Variants in CHD9 observed in about 807,000 individuals in gnomAD.
CHD9 encodes ATP-dependent chromatin remodeler CHD9.
CHD9 carries 77 observed loss-of-function variants against 316.1 expected under a neutral mutation model. The observed-to-expected ratio is 0.24, with a 90% CI of 0.20 to 0.29. The LOEUF (loss-of-function observed/expected upper bound fraction) is 0.29. Ranked by LOEUF, CHD9 falls within the 10% of genes least tolerant of loss-of-function variation. The pLI is 1.00. For missense variants in CHD9, 2,763 were observed against 3,438.1 expected, an observed-to-expected ratio of 0.80 and a Z score of 4.91; for synonymous variants, 1,129 against 1,158.3, an observed-to-expected ratio of 0.97 and a Z score of 0.51.
chr16:53,155,033 ACTAG>A (rs2041409679), intron 1 of CHD9, among the ~76,000 whole-genome samples: 1 of 152,134 alleles, frequency 6.6e-6, no homozygotes, highest in African/African-American at 2.4e-5. Context: ...TACTTATATT[ACTAG>A]CTTATTTTAA....
intron 11 of CHD9, among the ~76,000 whole-genome samples, chr16:53,236,385 C>T (rs931449109): frequency 6.6e-6 from 1 of 152,056 alleles, no homozygotes; most frequent in Non-Finnish European, 1.5e-5. Context: ...TATCTTCATC[C>T]ACAGTTATTC....
At chr16:53,208,717 C>T (rs1175156024) in intron 2 of CHD9, 1 of 985,990 alleles carries the variant, frequency 1.0e-6, no homozygotes. Context: ...CGGGTAAGAA[C>T]ATAACAAAAC....
chr16:53,240,648 A>C (rs1189155582), intron 12 of CHD9, among the ~76,000 whole-genome samples: 1 of 151,842 alleles, frequency 6.6e-6, no homozygotes, highest in Non-Finnish European at 1.5e-5. Flanking sequence ...TTTTTACATT[A>C]TCGAATAGCT....
chr16:53,314,391 C>T lies in CHD9; in HGVS notation c.7237C>T (p.Pro2413Ser), dbSNP rs1165395795. ...AATTCAATTAGGTACTTCCATTCAA[C>T]CAACCCTTGGTGCCAATGGTGTGAT... ...SIPVSGTSIQ[P>S]TLGANGVILD... The change falls in exon 35 of 39, where the codon CCA becomes TCA. Residue 2413 changes from proline (P) to serine (S), a missense_variant. Coordinates refer to ENST00000447540, the MANE Select transcript of CHD9 (RefSeq NM_001308319.2). 6.4e-7 allele frequency: 1 copy of T among 1,573,110 alleles called. No individual in the cohort carries two copies.
At chr16:53,262,507 C>T (rs1049220567) in intron 19 of CHD9, among the ~76,000 whole-genome samples, 2 of 151,962 alleles carry the variant, frequency 1.3e-5, no homozygotes, top group African/African-American at 2.4e-5. Flanking sequence ...TTTAAAATGA[C>T]AATGATTTAT....
At chr16:53,099,995 C>G (rs12232435) in intron 1 of CHD9, among the ~76,000 whole-genome samples, 16,182 of 152,172 alleles carry the variant, frequency 0.11, 1,245 homozygotes, top group East Asian at 0.43. Flanking sequence ...CACTGGCGGC[C>G]GCGTGCTTCC....
chr16:53,157,448 G>T lies in CHD9; in HGVS notation c.1359G>T (p.Gln453His). ...HLVTRPSDMA[Q>H]TQLQSQARSW... ...TAACACGGCCTTCTGATATGGCTCA[G>T]ACTCAGTTGCAAAGTCAGGCTCGGA... Residue 453 changes from glutamine (Q) to histidine (H), a missense_variant, in exon 2 of 39, where the codon CAG (glutamine) becomes CAT (histidine). Around this residue, in one of 15 missense-constraint regions of CHD9, gnomAD observed 859 missense variants for 890.4 expected, o/e 0.96. Transcript: ENST00000447540. The T allele has an allele frequency of 6.2e-7, 1 of 1,613,984 alleles. No homozygotes were observed.
At chr16:53,148,063 C>T (rs1216529245) in intron 1 of CHD9, among the ~76,000 whole-genome samples, 5 of 151,796 alleles carry the variant, frequency 3.3e-5, no homozygotes, top group South Asian at 4.2e-4. Flanking sequence ...AAAAATTACC[C>T]GGGCATGGTG....
In CHD9 at chr16:53,327,237, T is replaced by A. The variant is rs1176239397; in HGVS notation, c.*2342T>A. The A allele has an allele frequency of 6.6e-6, 1 of 152,506 alleles. No homozygotes were observed. Among genetic ancestry groups the A allele is most frequent in the Non-Finnish European group, 1.5e-5 (1 of 67,954 alleles). The allele number at this position is 152,506 out of a possible 1,614,324, so 9.4% of individuals were successfully genotyped here. A position where few individuals can be genotyped will look rare whatever the true frequency, so the allele number is the denominator to read the frequency against. On this transcript the variant is annotated 3_prime_UTR_variant, in exon 39 of 39. Transcript: ENST00000447540. ...GAAAGAATATCCAAGTATGTGTTGG[T>A]AGTTACTAAAAGAATTATAGCTGTT...
Position 53,139,884 on chromosome 16 carries a change from G to GC in CHD9, c.-164-16039dup, listed in dbSNP as rs534338948. Among the ~76,000 whole-genome samples, 741 of 151,966 alleles carry GC rather than the reference G, an allele frequency of 4.9e-3. 5 individuals carry two copies. Among genetic ancestry groups the GC allele is most frequent in the African/African-American group, 0.017 (707 of 41,430 alleles). ...AGGCTGAGGTGGGTGGATCACATGA[G>GC]CCCAGGGGTTCCACACCAGCCTGGA... On this transcript the variant is annotated intron_variant, in intron 1 of 38. Transcript: ENST00000447540.
intron 1 of CHD9, among the ~76,000 whole-genome samples, chr16:53,072,617 C>A (rs2034186338): frequency 6.6e-6 from 1 of 151,782 alleles, no homozygotes; most frequent in East Asian, 1.9e-4. Flanking sequence ...TTCAAGCAAT[C>A]CTCTTGCCTC....
rs2057468679 is a variant in CHD9 at position 53,324,582 on chromosome 16, A to G, written c.8381A>G (p.Asn2794Ser). Residue 2794 changes from asparagine to serine, a missense_variant, in exon 39 of 39, where the codon AAC becomes AGC. Asn to Ser is a conservative substitution (Grantham distance 46). Coordinates refer to ENST00000447540, the MANE Select transcript of CHD9 (RefSeq NM_001308319.2). ...GCAGCTGCCAACCCATTAGCTCTTA[A>G]CCCACTATTACTATCTAATATACTT... ...TAAAANPLALNPLLLSNILYP... is the reference protein window; with the variant it reads ...TAAAANPLALSPLLLSNILYP... 6.2e-7 allele frequency: 1 copy of G among 1,613,500 alleles called. No homozygotes were observed. The highest frequency in any genetic ancestry group is 1.1e-5 in the South Asian group (1 of 91,046).
chr16:53,280,443 A>G (rs958168497), intron 24 of CHD9, among the ~76,000 whole-genome samples: 2 of 152,116 alleles, frequency 1.3e-5, no homozygotes, highest in African/African-American at 2.4e-5. Flanking sequence ...ACCAAACGTT[A>G]TATGTTCTCA....
chr16:53,296,569 C>T (rs1597876480), intron 29 of CHD9, among the ~76,000 whole-genome samples: 1 of 150,516 alleles, frequency 6.6e-6, no homozygotes, highest in Non-Finnish European at 1.5e-5. Context: ...GCCTCCTGAG[C>T]AGCTGGGACT....
In CHD9 at chr16:53,142,895, G is replaced by A. The variant is rs56683755; in HGVS notation, c.-164-13031G>A. 4.2e-3 allele frequency among the ~76,000 whole-genome samples: 634 copies of A among 152,314 alleles called. 3 individuals carry two copies. The highest frequency in any genetic ancestry group is 0.015 in the African/African-American group (615 of 41,568). ...GTCCAAGGTCAAGAGGCCTGCATCTGGTATAAGATGGCTTACAAGCATTCA... is the reference window on the plus strand; with the variant it reads ...GTCCAAGGTCAAGAGGCCTGCATCTAGTATAAGATGGCTTACAAGCATTCA... On this transcript the variant is annotated intron_variant, in intron 1 of 38. Transcript: ENST00000447540.
intron 19 of CHD9, among the ~76,000 whole-genome samples, chr16:53,259,477 T>C (rs558332338): frequency 6.6e-6 from 1 of 152,262 alleles, no homozygotes; most frequent in South Asian, 2.1e-4. Flanking sequence ...TCATGTTTAA[T>C]CGTTCCTCAT....
At chr16:53,266,305 A>C (rs2051685338) in intron 20 of CHD9, among the ~76,000 whole-genome samples, 1 of 152,186 alleles carries the variant, frequency 6.6e-6, no homozygotes, top group Admixed American at 6.5e-5. Context: ...ATGCCCCTTA[A>C]ATATAATGCA....
intron 38 of CHD9, among the ~76,000 whole-genome samples, chr16:53,323,810 T>C (rs185135523): frequency 1.3e-5 from 2 of 152,324 alleles, no homozygotes; most frequent in Admixed American, 1.3e-4. Context: ...TTTACTCACT[T>C]ATTCTGTGAT....
chr16:53,297,089 A>T lies in CHD9; in HGVS notation c.5644A>T (p.Ser1882Cys), dbSNP rs748935648. The stretch of plus-strand genomic sequence containing the variant: ...TAGGCTACATAAGAAAACTGATGAT[A>T]GTTTGGAAAAATATTTGTACGCATT... ...MARLHKKTDD[S>C]LEKYLYAFMS... The change falls in exon 30 of 39, where the codon AGT becomes TGT. Residue 1882 changes from serine to cysteine, a missense_variant. Coordinates refer to ENST00000447540, the MANE Select transcript of CHD9 (RefSeq NM_001308319.2). 1.2e-6 allele frequency: 2 copies of T among 1,613,806 alleles called. No homozygotes were observed.
Sources: allele counts gnomAD v4.1 joint callset (sites outside exome capture counted in the v4.1 genomes callset), GRCh38; gene constraint gnomAD v4.1.1; regional missense constraint gnomAD v4.1.1; transcripts MANE v1.5; gene names NCBI Gene and HGNC (gene_info 2026-07-23, HGNC 2026-07-21).